HEPHL1: variants seen among roughly 807,000 people sequenced by gnomAD.
HEPHL1 encodes hephaestin like 1, also known as ferroxidase HEPHL1.
Under a neutral mutation model 122.0 loss-of-function variants are expected in HEPHL1, and 123 were observed. The observed-to-expected ratio is 1.01, with a 90% CI of 0.87 to 1.17. The LOEUF is 1.17. Among genes scored for constraint, HEPHL1 ranks in the 50% most tolerant of loss-of-function variants. The probability of loss-of-function intolerance (pLI) is 0.00; values close to 1 mark genes in which losing one functional copy is unlikely to be tolerated. For synonymous variants in HEPHL1, 527 were observed against 508.9 expected, an observed-to-expected ratio of 1.04 and a Z score of -0.48; for missense variants, 1,452 against 1,430.5, an observed-to-expected ratio of 1.01 and a Z score of -0.24.
At chr11:94,045,969 G>GTAAC (rs1945832553) in intron 2 of HEPHL1, 52 bp downstream of exon 2, 1 of 1,553,524 alleles carries the variant, frequency 6.4e-7, no homozygotes, top group East Asian at 2.2e-5. Flanking sequence ...CATAAGTAAG[G>GTAAC]TAACTGTCAG....
At chr11:94,044,578 C>G (rs1021292182) in intron 1 of HEPHL1, among the ~76,000 whole-genome samples, 1 of 152,110 alleles carries the variant, frequency 6.6e-6, no homozygotes, top group African/African-American at 2.4e-5. Flanking sequence ...TCCTCACTTC[C>G]TAGACCTGTG....
In HEPHL1 at chr11:94,045,845, C is replaced by T; in HGVS notation, c.343C>T (p.His115Tyr). Residue 115 changes from histidine to tyrosine, a missense_variant, in exon 2 of 20, where the codon CAT (histidine) becomes TAT (tyrosine). Transcript: ENST00000315765. ...CGAAGTGGGTGATGTGATTGTCATT[C>T]ATTTAAAGAACTTTGCTTCTCGACC... ...RAEVGDVIVI[H>Y]LKNFASRPYS... 1 of 1,613,844 alleles carries T rather than the reference C, an allele frequency of 6.2e-7. No individual in the cohort carries two copies. Among genetic ancestry groups the T allele is most frequent in the Non-Finnish European group, 8.5e-7 (1 of 1,179,812 alleles).
chr11:94,073,587 C>A, intron 8 of HEPHL1, 148 bp downstream of exon 8: 1 of 745,690 alleles, frequency 1.3e-6, no homozygotes, highest in Non-Finnish European at 2.2e-6. Context: ...TGATTCTCTC[C>A]TGTCAAATGC....
At position 94,093,627 on chromosome 11, in the gene HEPHL1, C is replaced by T. The variant is rs908057142; in HGVS notation, c.2421C>T (p.His807=). 10 of 1,613,098 alleles carry T rather than the reference C, an allele frequency of 6.2e-6. No homozygotes were observed. In the Admixed American group the frequency reaches 1.0e-4, roughly 16 times the overall value. The change falls in exon 13 of 20, where the codon CAC becomes CAT. Residue 807 remains histidine (H), a synonymous_variant. Coordinates refer to ENST00000315765, the MANE Select transcript of HEPHL1 (RefSeq NM_001098672.2). The part of the protein sequence containing the change: ...EIKARPPREE[H]LELLGPMIHA... The stretch of plus-strand genomic sequence containing the variant: ...AAGCCCGACCACCACGAGAGGAGCA[C>T]TTAGAACTCCTGGGTATGGCACAGA...
At chr11:94,046,865 G>A (rs938139290) in intron 2 of HEPHL1, among the ~76,000 whole-genome samples, 4 of 152,170 alleles carry the variant, frequency 2.6e-5, no homozygotes, top group African/African-American at 7.2e-5. Context: ...GTTGAAAGGT[G>A]CTGTACCTGC....
At position 94,021,499 on chromosome 11, in the gene HEPHL1, G is replaced by T. The variant is rs767102085; in HGVS notation, c.131G>T (p.Gly44Val). ...GAATACTGGAACTATGTACCCCAAG[G>T]GAAGAATGTTATTACTGGGAAAAGT... is the stretch of plus-strand genomic sequence containing the variant. ...VEEYWNYVPQ[G>V]KNVITGKSFT... Residue 44 changes from glycine to valine, a missense_variant, in exon 1 of 20, where the codon GGG (glycine) becomes GTG (valine). Gly to Val is a moderately radical substitution (Grantham distance 109, BLOSUM62 -3). Transcript: ENST00000315765. The T allele has an allele frequency of 1.4e-5, 22 of 1,611,942 alleles. No homozygotes were observed. The highest frequency in any genetic ancestry group is 1.7e-5 in the Admixed American group (1 of 59,686).
At chr11:94,048,139 G>A (rs2134417271) in intron 2 of HEPHL1, among the ~76,000 whole-genome samples, 1 of 152,176 alleles carries the variant, frequency 6.6e-6, no homozygotes, top group African/African-American at 2.4e-5. Flanking sequence ...CAATGCTTAT[G>A]TATATTTTAG....
At chr11:94,100,096 G>C (rs1421568736) in intron 13 of HEPHL1, among the ~76,000 whole-genome samples, 1 of 152,138 alleles carries the variant, frequency 6.6e-6, no homozygotes, top group Non-Finnish European at 1.5e-5. Context: ...CCTGTCTTCT[G>C]CGTCGCTCAC....
intron 12 of HEPHL1, among the ~76,000 whole-genome samples, chr11:94,092,868 C>G (rs1166832191): frequency 6.6e-6 from 1 of 151,832 alleles, no homozygotes; most frequent in African/African-American, 2.4e-5. Flanking sequence ...CTATATTTTC[C>G]CTAGGAACAA....
chr11:94,033,157 C>T (rs1196095144), intron 1 of HEPHL1, among the ~76,000 whole-genome samples: 5 of 152,190 alleles, frequency 3.3e-5, no homozygotes, highest in Non-Finnish European at 7.3e-5. Context: ...TTTGTTCCTA[C>T]TCTAAAGCTT....
chr11:94,037,073 G>C (rs1338084156), intron 1 of HEPHL1, among the ~76,000 whole-genome samples: 1 of 152,202 alleles, frequency 6.6e-6, no homozygotes, highest in East Asian at 1.9e-4. Flanking sequence ...CAAGGGGTCA[G>C]GGAGTTCCCT....
At chr11:94,046,091 C>T (rs1240131362) in intron 2 of HEPHL1, among the ~76,000 whole-genome samples, 174 bp downstream of exon 2, 56 of 65,044 alleles carry the variant, frequency 8.6e-4, no homozygotes, top group Non-Finnish European at 9.5e-4. Flanking sequence ...CCCTTTCTTG[C>T]TTTTTTTTTT....
At chr11:94,100,918 T>TA (rs1946362471) in intron 13 of HEPHL1, among the ~76,000 whole-genome samples, 1 of 152,182 alleles carries the variant, frequency 6.6e-6, no homozygotes, top group African/African-American at 2.4e-5. Context: ...TAAACTGATG[T>TA]TACAGATGAG....
chr11:94,082,687 G>A, intron 10 of HEPHL1, 119 bp downstream of exon 10: 1 of 912,348 alleles, frequency 1.1e-6, no homozygotes, highest in East Asian at 2.7e-5. Context: ...TTGGTCATGA[G>A]TAAGTTATTT....
chr11:94,110,793 G>A (rs1946441998), intron 17 of HEPHL1, 110 bp from the exon 18 acceptor site: 1 of 761,682 alleles, frequency 1.3e-6, no homozygotes. Context: ...TCTTTCTTAT[G>A]TCCTTCCTTT....
chr11:94,049,702 A>T (rs918214398), intron 2 of HEPHL1, among the ~76,000 whole-genome samples: 1 of 151,946 alleles, frequency 6.6e-6, no homozygotes, highest in Non-Finnish European at 1.5e-5. Context: ...CTATATACTT[A>T]TCCTTGGACC....
Position 94,106,091 on chromosome 11 carries a change from A to G in HEPHL1, c.3006A>G (p.Ile1002Met). The change falls in exon 17 of 20, where the codon ATA becomes ATG. Residue 1002 changes from isoleucine to methionine, a missense_variant. Coordinates refer to ENST00000315765, the MANE Select transcript of HEPHL1 (RefSeq NM_001098672.2). ...YLLGIGSEVD[I>M]HTIHYHAESF... ...TAGGGATAGGAAGTGAAGTGGACAT[A>G]CATACCATCCATTATCATGCTGAGA... 6.3e-7 allele frequency: 1 copy of G among 1,591,530 alleles called. No homozygotes were observed. The highest frequency in any genetic ancestry group is 8.6e-7 in the Non-Finnish European group (1 of 1,164,766).
rs571566738 is a variant in HEPHL1 at position 94,037,929 on chromosome 11, G to A, written c.171-7744G>A. ...AGACGATCAAATTACTCTGAGCTAC[G>A]GGAGGACATTCAAACCAAAGGCAAA... On this transcript the variant is annotated intron_variant, in intron 1 of 19. Transcript: ENST00000315765. 9.3e-5 allele frequency among the ~76,000 whole-genome samples: 14 copies of A among 151,310 alleles called. No individual in the cohort carries two copies. In the East Asian group the frequency reaches 1.7e-3, roughly 19 times the overall value.
intron 1 of HEPHL1, among the ~76,000 whole-genome samples, chr11:94,022,214 C>T (rs1001751037): frequency 1.3e-5 from 2 of 152,188 alleles, no homozygotes; most frequent in African/African-American, 4.8e-5. Context: ...ATAACCCTTT[C>T]TCCCTGCCCC....
Sources: allele counts gnomAD v4.1 joint callset (sites outside exome capture counted in the v4.1 genomes callset), GRCh38; gene constraint gnomAD v4.1.1; transcripts MANE v1.5; gene names NCBI Gene and HGNC (gene_info 2026-07-23, HGNC 2026-07-21).